The following BBOX1 variants were observed in gnomAD, a reference collection of about 807,000 sequenced individuals.
The protein encoded by BBOX1 is gamma-butyrobetaine hydroxylase 1.
Under a neutral mutation model 41.6 loss-of-function variants are expected in BBOX1, and 35 were observed. The observed-to-expected ratio is 0.84, with a 90% CI of 0.64 to 1.11. The LOEUF is 1.11. Among genes scored for constraint, BBOX1 ranks in the 50% most tolerant of loss-of-function variants. BBOX1 has a pLI of 0.00. For missense variants in BBOX1, 458 were observed against 460.6 expected (o/e 0.99, Z 0.05); for synonymous variants, 163 against 154.7 (o/e 1.05, Z -0.40).
intron 4 of BBOX1, among the ~76,000 whole-genome samples, chr11:27,091,898 A>G (rs1482177892): frequency 1.3e-5 from 2 of 152,010 alleles, no homozygotes; most frequent in Non-Finnish European, 2.9e-5. Flanking sequence ...CTCATTATGC[A>G]AACTGCTGTG....
At chr11:27,121,615 C>T (rs569862559) in intron 7 of BBOX1, among the ~76,000 whole-genome samples, 16 of 152,030 alleles carry the variant, frequency 1.1e-4, no homozygotes, top group African/African-American at 2.9e-4. Flanking sequence ...AGATTGTTTT[C>T]GTGAAAGATT....
intron 4 of BBOX1, among the ~76,000 whole-genome samples, chr11:27,071,702 C>T (rs1487645128): frequency 6.6e-6 from 1 of 152,152 alleles, no homozygotes; most frequent in Non-Finnish European, 1.5e-5. Context: ...TCCAGCAGCA[C>T]ATCAAAAAGC....
chr11:27,111,309 A>G (rs1859055509), intron 5 of BBOX1, among the ~76,000 whole-genome samples: 1 of 151,916 alleles, frequency 6.6e-6, no homozygotes, highest in Non-Finnish European at 1.5e-5. Flanking sequence ...ACTCATGGAC[A>G]TAAAGATGGC....
rs1859628246 is a variant in BBOX1 at position 27,125,733 on chromosome 11, A to G, written c.916A>G (p.Arg306Gly). 1 of 1,613,566 alleles carries G rather than the reference A, an allele frequency of 6.2e-7. No homozygotes were observed. The highest frequency in any genetic ancestry group is 8.5e-7 in the Non-Finnish European group (1 of 1,179,694). The change falls in exon 8 of 9, where the codon AGA (arginine) becomes GGA (glycine). Residue 306 changes from arginine (R) to glycine (G), a missense_variant. Physicochemically the swap from Arg to Gly is moderately radical, Grantham distance 125. Transcript: ENST00000263182. Reference protein sequence around the residue: ...RDTIFDVPVERVQPFYAALKE... With the variant: ...RDTIFDVPVEGVQPFYAALKE... ...CACAATATTTGATGTGCCTGTTGAA[A>G]GAGTTCAGCCTTTTTATGCTGCTCT...
chr11:27,094,459 T>A (rs530080315), intron 5 of BBOX1, among the ~76,000 whole-genome samples: 13 of 151,988 alleles, frequency 8.6e-5, no homozygotes, highest in Non-Finnish European at 1.9e-4. Flanking sequence ...TCGTTACCAC[T>A]TGAAAACTGG....
intron 2 of BBOX1, 49 bp from the exon 3 acceptor site, chr11:27,055,344 G>A (rs1856944824): frequency 4.1e-5 from 56 of 1,381,658 alleles, no homozygotes; most frequent in Non-Finnish European, 5.6e-5. Flanking sequence ...CAGAGGCCAA[G>A]TTTAGATCTT....
At chr11:27,125,347 T>G (rs1241121949) in intron 7 of BBOX1, among the ~76,000 whole-genome samples, 2 of 152,124 alleles carry the variant, frequency 1.3e-5, no homozygotes, top group Admixed American at 6.5e-5. Flanking sequence ...CTGTTTCAAA[T>G]AACAAAGAAT....
intron 5 of BBOX1, 71 bp from the exon 6 acceptor site, chr11:27,115,381 A>G (rs1859221573): frequency 7.2e-6 from 9 of 1,247,204 alleles, no homozygotes; most frequent in Middle Eastern, 1.9e-4. Flanking sequence ...CCCACATATC[A>G]AATTCATTCT....
chr11:27,121,195 T>C (rs1007772690), intron 7 of BBOX1, among the ~76,000 whole-genome samples: 2 of 151,988 alleles, frequency 1.3e-5, no homozygotes, highest in African/African-American at 4.8e-5. Context: ...CCAAAAGTTC[T>C]AAAAGGGTCC....
chr11:27,054,399 G>A (rs1481910070), intron 2 of BBOX1, among the ~76,000 whole-genome samples: 3 of 152,144 alleles, frequency 2.0e-5, no homozygotes, highest in Non-Finnish European at 4.4e-5. Context: ...TCCTATGTAA[G>A]TTCTACTTCA....
At chr11:27,083,570 G>T (rs1212385783) in intron 4 of BBOX1, among the ~76,000 whole-genome samples, 1 of 152,010 alleles carries the variant, frequency 6.6e-6, no homozygotes, top group Non-Finnish European at 1.5e-5. Context: ...GGCATAAATA[G>T]CTTCTCTTTA....
intron 5 of BBOX1, among the ~76,000 whole-genome samples, chr11:27,096,283 C>A (rs905476784): frequency 1.5e-4 from 23 of 152,026 alleles, no homozygotes; most frequent in African/African-American, 5.6e-4. Flanking sequence ...CAATGTCCCT[C>A]CCTTTCATAT....
chr11:27,066,080 A>G (rs1263563419), intron 4 of BBOX1, among the ~76,000 whole-genome samples: 1 of 152,206 alleles, frequency 6.6e-6, no homozygotes. Context: ...TCTTGGAAAA[A>G]TAATTTTTTG....
chr11:27,054,050 T>C (rs1433852408), intron 2 of BBOX1, among the ~76,000 whole-genome samples: 1 of 152,132 alleles, frequency 6.6e-6, no homozygotes, highest in Non-Finnish European at 1.5e-5. Context: ...TACTTTCATG[T>C]TGTGTAAGGT....
intron 4 of BBOX1, among the ~76,000 whole-genome samples, chr11:27,059,666 G>A (rs1473261890): frequency 1.3e-5 from 2 of 152,206 alleles, no homozygotes; most frequent in Non-Finnish European, 2.9e-5. Context: ...TAGGGGCAGA[G>A]CTGCCCAAGG....
chr11:27,061,658 A>T (rs187952734), intron 4 of BBOX1, among the ~76,000 whole-genome samples: 1 of 152,332 alleles, frequency 6.6e-6, no homozygotes, highest in African/African-American at 2.4e-5. Context: ...AGTGAGGGTT[A>T]CAGAGCTTTT....
At chr11:27,073,517 A>G (rs1857528295) in intron 4 of BBOX1, among the ~76,000 whole-genome samples, 1 of 148,090 alleles carries the variant, frequency 6.8e-6, no homozygotes, top group South Asian at 2.1e-4. Flanking sequence ...TTCCTCAGGG[A>G]TCTAGAACTA....
In BBOX1 at chr11:27,123,004, C is replaced by T. The variant is rs1338538769; in HGVS notation, c.837-2650C>T. On this transcript the variant is annotated intron_variant, in intron 7 of 8. Coordinates refer to ENST00000263182, the MANE Select transcript of BBOX1 (RefSeq NM_003986.3). ...TATAAGGCATCAAATTTCTTGCTAA[C>T]CTTCAATTTTTCATTTTAGGTTGGT... Among the ~76,000 whole-genome samples, 5 of 152,072 alleles carry T rather than the reference C, an allele frequency of 3.3e-5. No homozygotes were observed. The South Asian group carries it at 6.2e-4, about 19-fold the overall frequency.
intron 2 of BBOX1, among the ~76,000 whole-genome samples, chr11:27,054,564 G>T (rs1025827900): frequency 6.6e-6 from 1 of 152,084 alleles, no homozygotes; most frequent in African/African-American, 2.4e-5. Context: ...GTTTCACTAA[G>T]TTTCCTCTCC....
Sources: allele counts gnomAD v4.1 joint callset (sites outside exome capture counted in the v4.1 genomes callset), GRCh38; gene constraint gnomAD v4.1.1; transcripts MANE v1.5; gene names NCBI Gene and HGNC (gene_info 2026-07-23, HGNC 2026-07-21).